EYS: variants seen among roughly 807,000 people sequenced by gnomAD.
EYS encodes EGF-like photoreceptor maintenance factor.
In EYS, 250 loss-of-function variants were observed where a neutral mutation model predicts 282.1. That is an observed-to-expected ratio of 0.89 (90% CI 0.80 to 0.98). EYS has a LOEUF of 0.98. EYS is among the 50% of genes least tolerant of loss of function. The pLI is 0.00. For synonymous variants in EYS, 1,355 were observed against 1,282.9 expected (o/e 1.06, Z -1.20); for missense variants, 4,016 against 3,709.0 (o/e 1.08, Z -2.15).
At chr6:65,273,076 T>TA (rs1414949973) in intron 12 of EYS, among the ~76,000 whole-genome samples, 1 of 152,026 alleles carries the variant, frequency 6.6e-6, no homozygotes, top group Non-Finnish European at 1.5e-5. Flanking sequence ...ATACACTGGA[T>TA]AAAAAAAGAT....
chr6:64,092,550 C>G (rs564179676), intron 31 of EYS, among the ~76,000 whole-genome samples: 1 of 152,280 alleles, frequency 6.6e-6, no homozygotes, highest in African/African-American at 2.4e-5. Flanking sequence ...TAAATGTCTT[C>G]TTTTGAGAAA....
chr6:64,827,665 A>C (rs1313344703), intron 19 of EYS, among the ~76,000 whole-genome samples: 1 of 152,010 alleles, frequency 6.6e-6, no homozygotes, highest in East Asian at 1.9e-4. Flanking sequence ...CATATTTCTA[A>C]CCATTTTGAA....
At chr6:64,434,286 C>T (rs1467055327) in intron 28 of EYS, among the ~76,000 whole-genome samples, 4 of 152,136 alleles carry the variant, frequency 2.6e-5, no homozygotes, top group Middle Eastern at 3.4e-3. Context: ...ATTAAATTGC[C>T]TGTAGAATAG....
chr6:64,618,926 TA>T (rs1767358583), intron 23 of EYS, among the ~76,000 whole-genome samples: 1 of 152,182 alleles, frequency 6.6e-6, no homozygotes, highest in African/African-American at 2.4e-5. Flanking sequence ...TTATTGAGCA[TA>T]AAAACATATT....
chr6:63,855,030 G>T (rs1426854472), intron 36 of EYS, among the ~76,000 whole-genome samples: 1 of 152,208 alleles, frequency 6.6e-6, no homozygotes, highest in Admixed American at 6.5e-5. Context: ...CCATTAGACT[G>T]GTATACTCTT....
intron 29 of EYS, among the ~76,000 whole-genome samples, chr6:64,366,428 C>A (rs899174126): frequency 6.6e-6 from 1 of 152,010 alleles, no homozygotes; most frequent in Non-Finnish European, 1.5e-5. Flanking sequence ...ACTAGACCAA[C>A]CAAATGGCTG....
intron 2 of EYS, among the ~76,000 whole-genome samples, chr6:65,605,765 G>C: frequency 6.6e-6 from 1 of 151,618 alleles, no homozygotes; most frequent in South Asian, 2.1e-4. Flanking sequence ...ACTTTTTTGA[G>C]TGAAAAAGGC....
intron 37 of EYS, 58 bp from the exon 38 acceptor site, chr6:63,789,282 A>G (rs749262342): frequency 2.0e-5 from 30 of 1,499,218 alleles, no homozygotes; most frequent in Non-Finnish European, 2.5e-5. Context: ...GAGTTCCGTC[A>G]GCTTTATTTT....
chr6:65,522,666 TTTA>T (rs1228059645), intron 2 of EYS, among the ~76,000 whole-genome samples: 3 of 152,238 alleles, frequency 2.0e-5, no homozygotes, highest in African/African-American at 4.8e-5. Flanking sequence ...TATGCTAATT[TTTA>T]TTATGTATTT....
chr6:65,247,041 CAAAT>C (rs918202175), intron 12 of EYS, among the ~76,000 whole-genome samples: 1 of 151,998 alleles, frequency 6.6e-6, no homozygotes, highest in African/African-American at 2.4e-5. Flanking sequence ...AAAAAATAAA[CAAAT>C]AGTTCATAGG....
At chr6:65,592,856 A>G (rs1460487497) in intron 2 of EYS, among the ~76,000 whole-genome samples, 1 of 152,040 alleles carries the variant, frequency 6.6e-6, no homozygotes, top group Non-Finnish European at 1.5e-5. Context: ...TATAATTAAA[A>G]TGAATGAAAC....
chr6:65,108,486 T>C (rs1279633204), intron 12 of EYS, among the ~76,000 whole-genome samples: 1 of 152,062 alleles, frequency 6.6e-6, no homozygotes, highest in African/African-American at 2.4e-5. Flanking sequence ...TTAGTGGATA[T>C]GGGTATTGCC....
chr6:65,527,400 A>G (rs549450454), intron 2 of EYS, among the ~76,000 whole-genome samples: 1 of 152,314 alleles, frequency 6.6e-6, no homozygotes, highest in Admixed American at 6.5e-5. Context: ...ATAGGCCCAC[A>G]CAGGACAGCC....
At chr6:64,261,408 T>C (rs938739208) in intron 30 of EYS, among the ~76,000 whole-genome samples, 2 of 152,140 alleles carry the variant, frequency 1.3e-5, no homozygotes, top group African/African-American at 2.4e-5. Flanking sequence ...ATCTAAGATA[T>C]AGACACGTAA....
At chr6:65,298,831 TCCAAATTAG>T (rs1349021130) in intron 11 of EYS, among the ~76,000 whole-genome samples, 4 of 151,366 alleles carry the variant, frequency 2.6e-5, no homozygotes, top group Admixed American at 6.6e-5. Flanking sequence ...GAGATACCAA[TCCAAATTAG>T]CACATTTTGT....
chr6:64,514,168 G>A (rs141281432), intron 26 of EYS, among the ~76,000 whole-genome samples: 7 of 151,570 alleles, frequency 4.6e-5, no homozygotes, highest in Admixed American at 1.3e-4. Flanking sequence ...TCTTCTCTCC[G>A]GCCAGGACAT....
chr6:65,682,368 C>T lies in EYS; in HGVS notation c.-448+24767G>A, dbSNP rs547649214. On this transcript the variant is annotated intron_variant, in intron 1 of 42. Transcript: ENST00000503581. ...ATCCTGATTAGGAGACAAATCTTGT[C>T]TCTGACCCAAAAGGAAACCTTATCT... Among the ~76,000 whole-genome samples the T allele has an allele frequency of 3.3e-5, 5 of 152,026 alleles. No homozygotes were observed. The East Asian group carries it at 5.8e-4, about 18-fold the overall frequency.
intron 31 of EYS, among the ~76,000 whole-genome samples, chr6:64,112,856 T>C (rs1201880349): frequency 6.6e-6 from 1 of 151,324 alleles, no homozygotes. Flanking sequence ...TAGTAGTTTT[T>C]TGGTTACAAA....
intron 33 of EYS, among the ~76,000 whole-genome samples, chr6:64,024,088 T>A (rs1769347965): frequency 6.6e-6 from 1 of 152,130 alleles, no homozygotes; most frequent in Admixed American, 6.5e-5. Flanking sequence ...CAGCGCCCAG[T>A]CCCATCGACC....
Sources: allele counts gnomAD v4.1 joint callset (sites outside exome capture counted in the v4.1 genomes callset), GRCh38; gene constraint gnomAD v4.1.1; transcripts MANE v1.5; gene names NCBI Gene and HGNC (gene_info 2026-07-23, HGNC 2026-07-21).